The following MUC5AC variants were observed in gnomAD, a reference collection of about 807,000 sequenced individuals.
MUC5AC encodes mucin 5AC, oligomeric mucus/gel-forming, also known as mucin-5AC.
A neutral mutation model predicts 169.7 loss-of-function variants in MUC5AC; 158 were observed. The observed-to-expected ratio is 0.93, with a 90% CI of 0.82 to 1.06. The LOEUF is 1.06. MUC5AC is among the 50% of genes least tolerant of loss of function. The probability of loss-of-function intolerance (pLI) is 0.00; values close to 1 mark genes in which losing one functional copy is unlikely to be tolerated. For synonymous variants in MUC5AC, 1,975 were observed against 1,237.0 expected (o/e 1.60, Z -12.52); for missense variants, 4,359 against 3,089.9 (o/e 1.41, Z -9.74).
At position 1,199,883 on chromosome 11, in the gene MUC5AC, C is replaced by A. The variant is rs775649097; in HGVS notation, c.16614C>A (p.Ser5538Arg). 10 of 764,364 alleles carry A rather than the reference C, an allele frequency of 1.3e-5. No homozygotes were observed. Among genetic ancestry groups the A allele is most frequent in the Non-Finnish European group, 2.2e-5 (9 of 417,640 alleles). The allele number at this position is 764,364 out of a possible 1,614,324, so 47.3% of individuals were successfully genotyped here. Residue 5538 changes from serine to arginine, a missense_variant, in exon 48 of 49, where the codon AGC becomes AGA. Physicochemically the swap from Ser to Arg is moderately radical, Grantham distance 110 (BLOSUM62 -1). Coordinates refer to ENST00000621226, the MANE Select transcript of MUC5AC (RefSeq NM_001304359.2). ...CGACCTGTGCTGTGTACCATAGGAG[C>A]CTGATCATCCAGCAGCAGGGCTGCA... Reference protein sequence around the residue: ...NQSTCAVYHRSLIIQQQGCSS... With the variant: ...NQSTCAVYHRRLIIQQQGCSS...
At chr11:1,199,231 C>T (rs776116534) in intron 45 of MUC5AC, 46 bp downstream of exon 45, 1 of 730,336 alleles carries the variant, frequency 1.4e-6, no homozygotes, top group Non-Finnish European at 2.5e-6. Flanking sequence ...TCTGGGAGCA[C>T]TGGGGCATGT....
rs755428145 is a variant in MUC5AC at position 1,194,550 on chromosome 11, A to C, written c.15070A>C (p.Ile5024Leu). The C allele has an allele frequency of 1.3e-6, 1 of 764,134 alleles. No individual in the cohort carries two copies. Among genetic ancestry groups the C allele is most frequent in the Non-Finnish European group, 2.4e-6 (1 of 417,364 alleles). 47.3% of individuals were successfully genotyped at this position (764,134 alleles called of 1,614,324 possible). ...FRKNGIVVSR[I>L]GVKMYATIPE... ...GAAAAACGGCATCGTGGTCTCGCGC[A>C]TCGGCGTCAAGATGTACGCGACCAT... Residue 5024 changes from isoleucine to leucine, a missense_variant, in exon 35 of 49, where the codon ATC (isoleucine) becomes CTC (leucine). Coordinates refer to ENST00000621226, the MANE Select transcript of MUC5AC (RefSeq NM_001304359.2).
At position 1,185,917 on chromosome 11, in the gene MUC5AC, G is replaced by T; in HGVS notation, c.7772G>T (p.Gly2591Val). The change falls in exon 31 of 49, where the codon GGT (glycine) becomes GTT (valine). Residue 2591 changes from glycine to valine, a missense_variant. Physicochemically the swap from Gly to Val is moderately radical, Grantham distance 109. Transcript: ENST00000621226. Reference sequence around the variant, plus strand: ...GCTCCTACAACCAGCACAACCTCTGGTCCTGGAACTACTCCCAGTGCTGTT... The same window carrying T: ...GCTCCTACAACCAGCACAACCTCTGTTCCTGGAACTACTCCCAGTGCTGTT... ...TSAPTTSTTSGPGTTPSAVPT... is the reference protein window; with the variant it reads ...TSAPTTSTTSVPGTTPSAVPT... 1.4e-6 allele frequency: 1 copy of T among 725,900 alleles called. No homozygotes were observed. Among genetic ancestry groups the T allele is most frequent in the Non-Finnish European group, 2.5e-6 (1 of 401,690 alleles). 45.0% of individuals were successfully genotyped at this position (725,900 alleles called of 1,614,324 possible).
rs963324812 is a variant in MUC5AC at position 1,172,542 on chromosome 11, T to C, written c.1965+19T>C. The C allele has an allele frequency of 1.8e-5, 7 of 398,634 alleles. No homozygotes were observed. The highest frequency in any genetic ancestry group is 1.3e-3 in the Middle Eastern group (2 of 1,588). The allele number at this position is 398,634 out of a possible 1,614,324, so 24.7% of individuals were successfully genotyped here. ...CTACTCGGTAACATCTGCCGCCTCT[T>C]GGCCCGGTGGGGCTCCAGCCACTGA... On this transcript the variant is annotated intron_variant, in intron 16 of 48. Transcript: ENST00000621226.
At chr11:1,180,320 G>T (rs1404029936) in intron 27 of MUC5AC, 34 bp from the exon 28 acceptor site, 2 of 398,726 alleles carry the variant, frequency 5.0e-6, no homozygotes, top group Non-Finnish European at 8.8e-6. Flanking sequence ...ACGACACTCG[G>T]TCTGGTTGTG....
chr11:1,195,862 C>A lies in MUC5AC; in HGVS notation c.15459-14C>A. ...GAGAGGCTGCACCCAGCACCCTGCC[C>A]ATCCCTCCCACAGGGTCTTTGAGCC... On this transcript the variant is annotated splice_polypyrimidine_tract_variant and intron_variant, in intron 36 of 48. Transcript: ENST00000621226. 2 of 759,470 alleles carry A rather than the reference C, an allele frequency of 2.6e-6. No individual in the cohort carries two copies. Among genetic ancestry groups the A allele is most frequent in the South Asian group, 2.7e-5 (2 of 74,426 alleles). 47.0% of individuals were successfully genotyped at this position (759,470 alleles called of 1,614,324 possible).
chr11:1,191,899 C>G lies in MUC5AC; in HGVS notation c.13754C>G (p.Thr4585Arg), dbSNP rs76521741. Residue 4585 changes from threonine to arginine, a missense_variant, in exon 31 of 49, where the codon ACG becomes AGG. By Grantham distance (71) the Thr-to-Arg change is moderately conservative (BLOSUM62 -1). Transcript: ENST00000621226. ...ACAACCTCTGCTCCTACAACCAGCACGACCTCTGGTCCTGGAACTACTCCC... is the reference window on the plus strand; with the variant it reads ...ACAACCTCTGCTCCTACAACCAGCAGGACCTCTGGTCCTGGAACTACTCCC... ...TSTTSAPTTS[T>R]TSGPGTTPSP... 1.4e-5 allele frequency: 11 copies of G among 761,890 alleles called. No individual in the cohort carries two copies. The highest frequency in any genetic ancestry group is 1.4e-5 in the Non-Finnish European group (6 of 417,078). The allele number at this position is 761,890 out of a possible 1,614,324, so 47.2% of individuals were successfully genotyped here.
Position 1,164,390 on chromosome 11 carries a change from C to T in MUC5AC, c.1004-17C>T. On this transcript the variant is annotated splice_polypyrimidine_tract_variant and intron_variant, in intron 8 of 48. Transcript: ENST00000621226. ...GCAGGGGCAGGCAGACGTGAGCCCT[C>T]TCTCTGCCTCCCGCAGCCCAGAAGT... is the stretch of plus-strand genomic sequence containing the variant. The T allele has an allele frequency of 6.2e-7, 1 of 1,612,124 alleles. No individual in the cohort carries two copies. Among genetic ancestry groups the T allele is most frequent in the Non-Finnish European group, 8.5e-7 (1 of 1,179,656 alleles).
Position 1,187,740 on chromosome 11 carries a change from G to A in MUC5AC, c.9595G>A (p.Val3199Ile). The A allele has an allele frequency of 1.3e-6, 1 of 765,052 alleles. No homozygotes were observed. The highest frequency in any genetic ancestry group is 2.4e-6 in the Non-Finnish European group (1 of 417,830). The allele number at this position is 765,052 out of a possible 1,614,324, so 47.4% of individuals were successfully genotyped here. Residue 3199 changes from valine (V) to isoleucine (I), a missense_variant, in exon 31 of 49, where the codon GTT (valine) becomes ATT (isoleucine). Physicochemically the swap from Val to Ile is conservative, Grantham distance 29. Coordinates refer to ENST00000621226, the MANE Select transcript of MUC5AC (RefSeq NM_001304359.2). ...SPVPTTSTAS[V>I]SKTSTSHVSI... Reference sequence around the variant, plus strand: ...CGTTCCCACCACCAGCACAGCCTCTGTTTCAAAGACCAGCACAAGCCATGT... The same window carrying A: ...CGTTCCCACCACCAGCACAGCCTCTATTTCAAAGACCAGCACAAGCCATGT...
intron 6 of MUC5AC, among the ~76,000 whole-genome samples, 156 bp downstream of exon 6, chr11:1,163,201 C>T (rs768124233): frequency 3.4e-4 from 52 of 152,242 alleles, no homozygotes; most frequent in Non-Finnish European, 6.2e-4. Flanking sequence ...TGCACACACG[C>T]GATCCCGCAA....
chr11:1,175,696 A>T (rs1860659976), intron 19 of MUC5AC, among the ~76,000 whole-genome samples: 2 of 136,840 alleles, frequency 1.5e-5, no homozygotes, highest in Admixed American at 1.5e-4. Flanking sequence ...ACACACACCC[A>T]TTCATACTCA....
rs988961959 is a variant in MUC5AC, at chr11:1,182,357, C to T, written c.4212C>T (p.Ser1404=). 9.0e-5 allele frequency: 36 copies of T among 398,576 alleles called. No individual in the cohort carries two copies. In the South Asian group the frequency reaches 1.4e-3, roughly 15 times the overall value. 24.7% of individuals were successfully genotyped at this position (398,576 alleles called of 1,614,324 possible). Residue 1404 remains serine, a synonymous_variant, in exon 31 of 49, where the codon AGC becomes AGT. Coordinates refer to ENST00000621226, the MANE Select transcript of MUC5AC (RefSeq NM_001304359.2). ...GCCGCCCTGGACGGGGCACGGACAG[C>T]GGTGACTTCGACACACTGGAGAACC... ...DVSRPGRGTD[S]GDFDTLENLR...
At chr11:1,198,189 A>T in intron 42 of MUC5AC, 79 bp from the exon 43 acceptor site, 1 of 710,190 alleles carries the variant, frequency 1.4e-6, no homozygotes, top group Non-Finnish European at 2.6e-6. Flanking sequence ...GGCGCCCAGG[A>T]GGCTGCAGGG....
intron 19 of MUC5AC, 31 bp from the exon 20 acceptor site, chr11:1,176,120 G>T: frequency 4.1e-6 from 1 of 246,422 alleles, no homozygotes; most frequent in East Asian, 4.4e-5. Context: ...GCAGCCTGTG[G>T]CTGGCCCCCT....
chr11:1,197,029 G>A, intron 40 of MUC5AC, 121 bp downstream of exon 40: 1 of 654,102 alleles, frequency 1.5e-6, no homozygotes, highest in Admixed American at 2.4e-5. Context: ...TCCTCTCTGT[G>A]TCAGAGGCCC....
rs1201547484 is a variant in MUC5AC, at chr11:1,184,516, C to T, written c.6371C>T (p.Thr2124Met). 4.6e-5 allele frequency: 28 copies of T among 603,698 alleles called. No homozygotes were observed. In the Middle Eastern group the frequency reaches 2.8e-3, roughly 60 times the overall value. The allele number at this position is 603,698 out of a possible 1,614,324, so 37.4% of individuals were successfully genotyped here. ...RNCHPRCTWT[T>M]WFDVDFPSPG... ...TGTCATCCCCGGTGCACCTGGACAA[C>T]GTGGTTCGACGTGGACTTCCCGTCC... The change falls in exon 31 of 49, where the codon ACG (threonine) becomes ATG (methionine). Residue 2124 changes from threonine (T) to methionine (M), a missense_variant. Physicochemically the swap from Thr to Met is moderately conservative, Grantham distance 81. Coordinates refer to ENST00000621226, the MANE Select transcript of MUC5AC (RefSeq NM_001304359.2).
chr11:1,179,075 A>G lies in MUC5AC; in HGVS notation c.3328-17A>G, dbSNP rs1019576557. ...TGGTGGGGGGGTCCCTGGAACCTGA[A>G]GCCCCGTCTCCCTCAGGTGGAGCCG... is the stretch of plus-strand genomic sequence containing the variant. On this transcript the variant is annotated splice_polypyrimidine_tract_variant and intron_variant, in intron 25 of 48. Transcript: ENST00000621226. 1.5e-3 allele frequency: 756 copies of G among 508,182 alleles called. 9 individuals are homozygous for G. Among genetic ancestry groups the G allele is most frequent in the African/African-American group, 0.013 (695 of 51,946 alleles). The allele number at this position is 508,182 out of a possible 1,614,324, so 31.5% of individuals were successfully genotyped here. A position where few individuals can be genotyped will look rare whatever the true frequency, so the allele number is the denominator to read the frequency against.
At chr11:1,180,983 C>T (rs1479692025) in intron 28 of MUC5AC, among the ~76,000 whole-genome samples, 156 bp from the exon 29 acceptor site, 4 of 152,290 alleles carry the variant, frequency 2.6e-5, no homozygotes, top group African/African-American at 4.8e-5. Context: ...CAGGTGGGGC[C>T]GGCCTCCTGT....
intron 3 of MUC5AC, 39 bp from the exon 4 acceptor site, chr11:1,161,868 A>T (rs769614595): frequency 6.3e-7 from 1 of 1,591,544 alleles, no homozygotes; most frequent in Non-Finnish European, 8.5e-7. Context: ...GGCGAGGATG[A>T]GGGCGACGCC....
Sources: allele counts gnomAD v4.1 joint callset (sites outside exome capture counted in the v4.1 genomes callset), GRCh38; gene constraint gnomAD v4.1.1; transcripts MANE v1.5; gene names NCBI Gene and HGNC (gene_info 2026-07-23, HGNC 2026-07-21).